KCNMA1: variants seen among roughly 807,000 people sequenced by gnomAD.
KCNMA1 encodes Calcium-activated potassium channel subunit alpha-1.
KCNMA1 carries 29 observed loss-of-function variants against 140.0 expected under a neutral mutation model. The ratio of observed to expected loss-of-function variants is 0.21; its 90% CI spans 0.15 to 0.28. KCNMA1 has a LOEUF of 0.28. Ranked by LOEUF, KCNMA1 falls within the 10% of genes least tolerant of loss-of-function variation. KCNMA1 has a pLI of 1.00. For missense variants in KCNMA1, 880 were observed against 1,602.2 expected (o/e 0.55, Z 7.70); for synonymous variants, 612 against 611.9 (o/e 1.00, Z 0.00).
chr10:77,324,940 A>ACTCTCTCTCTCTCTCT (rs3068755), intron 2 of KCNMA1, among the ~76,000 whole-genome samples: 58 of 93,474 alleles, frequency 6.2e-4, no homozygotes, highest in Middle Eastern at 0.013. Context: ...ATAGCTCTAG[A>ACTCTCTCTCTCTCTCT]CTCTCTCTCT....
chr10:77,084,174 T>C (rs900408358), intron 12 of KCNMA1, among the ~76,000 whole-genome samples: 6 of 152,164 alleles, frequency 3.9e-5, no homozygotes, highest in Admixed American at 6.5e-5. Flanking sequence ...TCGTTCGCAG[T>C]GTCCCTGGGC....
At chr10:77,529,523 G>A (rs1481884711) in intron 1 of KCNMA1, among the ~76,000 whole-genome samples, 2 of 151,926 alleles carry the variant, frequency 1.3e-5, no homozygotes, top group Non-Finnish European at 2.9e-5. Context: ...TCAGCTGTAA[G>A]CTTCTTCCAT....
At chr10:76,986,175 C>T (rs1458630889) in intron 19 of KCNMA1, among the ~76,000 whole-genome samples, 1 of 152,060 alleles carries the variant, frequency 6.6e-6, no homozygotes, top group Non-Finnish European at 1.5e-5. Context: ...TGATGGGAAG[C>T]CCATTCTAAT....
At chr10:76,935,491 A>C (rs1341981999) in intron 23 of KCNMA1, among the ~76,000 whole-genome samples, 1 of 152,228 alleles carries the variant, frequency 6.6e-6, no homozygotes, top group Non-Finnish European at 1.5e-5. Context: ...TGGGAAAGGT[A>C]CCTAATTCCC....
intron 19 of KCNMA1, chr10:76,995,521 G>C: frequency 2.1e-6 from 1 of 471,048 alleles, no homozygotes; most frequent in Non-Finnish European, 4.4e-6. Flanking sequence ...TTGGGCTCAA[G>C]GCAGAGCCTT....
intron 15 of KCNMA1, chr10:77,039,014 T>A (rs61868818): frequency 0.032 from 5,954 of 185,346 alleles, 172 homozygotes; most frequent in Non-Finnish European, 0.052. Flanking sequence ...CAGTTGTCTA[T>A]GTGGGGGCTC....
At chr10:77,172,908 C>T (rs192721270) in intron 5 of KCNMA1, among the ~76,000 whole-genome samples, 1 of 152,160 alleles carries the variant, frequency 6.6e-6, no homozygotes, top group Admixed American at 6.5e-5. Flanking sequence ...TCTTGTTTCC[C>T]TGCATGGTGG....
At chr10:77,233,658 A>C (rs1033115453) in intron 3 of KCNMA1, among the ~76,000 whole-genome samples, 1 of 152,178 alleles carries the variant, frequency 6.6e-6, no homozygotes, top group Non-Finnish European at 1.5e-5. Context: ...CTACTGGGAA[A>C]TCTAGTGCCT....
rs557850400 is a variant in KCNMA1 at position 77,190,634 on chromosome 10, T to C, written c.603-5718A>G. 3.9e-5 allele frequency among the ~76,000 whole-genome samples: 6 copies of C among 152,272 alleles called. No homozygotes were observed. The South Asian group carries it at 6.2e-4, about 16-fold the overall frequency. On this transcript the variant is annotated intron_variant, in intron 3 of 27. Transcript: ENST00000286628. ...AAACTGCCCTAGAAAATAACTGATG[T>C]GTCTGTTGGGTGGTCTAGGAAAATG... is the stretch of plus-strand genomic sequence containing the variant.
chr10:77,625,928 C>T (rs747449576), intron 1 of KCNMA1, among the ~76,000 whole-genome samples: 1 of 152,294 alleles, frequency 6.6e-6, no homozygotes, highest in South Asian at 2.1e-4. Flanking sequence ...AACTGCCATA[C>T]TGCTTTCCAC....
At chr10:77,503,753 C>A (rs921632862) in intron 1 of KCNMA1, among the ~76,000 whole-genome samples, 1 of 152,168 alleles carries the variant, frequency 6.6e-6, no homozygotes, top group African/African-American at 2.4e-5. Context: ...TAAACAATTT[C>A]TGAAGAAACT....
chr10:76,960,646 T>TTTTTTA (rs1565205821), intron 20 of KCNMA1, among the ~76,000 whole-genome samples: 2 of 139,992 alleles, frequency 1.4e-5, no homozygotes. Flanking sequence ...TTTTTTTTTT[T>TTTTTTA]ACAAATTGAA....
At chr10:77,079,276 A>G (rs1247779) in intron 13 of KCNMA1, among the ~76,000 whole-genome samples, 5,912 of 152,158 alleles carry the variant, frequency 0.039, 437 homozygotes, top group East Asian at 0.24. Context: ...ATCCCAAAAA[A>G]AAAGAAAGAA....
chr10:77,312,451 C>T (rs570213425), intron 2 of KCNMA1, among the ~76,000 whole-genome samples: 1 of 152,254 alleles, frequency 6.6e-6, no homozygotes, highest in African/African-American at 2.4e-5. Context: ...CATGGTGAAA[C>T]CCCATCTCTA....
intron 2 of KCNMA1, among the ~76,000 whole-genome samples, chr10:77,283,180 C>G (rs1267682533): frequency 6.6e-6 from 1 of 152,238 alleles, no homozygotes; most frequent in Non-Finnish European, 1.5e-5. Flanking sequence ...ACTGCACAGG[C>G]TGTGTTGCAG....
chr10:77,399,151 C>A (rs1221582089), intron 2 of KCNMA1, among the ~76,000 whole-genome samples: 1 of 152,128 alleles, frequency 6.6e-6, no homozygotes, highest in African/African-American at 2.4e-5. Context: ...TTAGCATGCT[C>A]ACTGGATGTT....
chr10:76,885,742 G>A lies in KCNMA1; in HGVS notation c.*1524C>T, dbSNP rs545753320. ...GCCAGTTTTTAAGAAATACCGCACT[G>A]CCTAAAGCATGATTTGCATGCACAA... is the stretch of plus-strand genomic sequence containing the variant. On this transcript the variant is annotated 3_prime_UTR_variant, in exon 28 of 28. Transcript: ENST00000286628. 2.8e-5 allele frequency: 28 copies of A among 985,252 alleles called. No individual in the cohort carries two copies. In the African/African-American group the frequency reaches 4.7e-4, roughly 17 times the overall value. 61.0% of individuals were successfully genotyped at this position (985,252 alleles called of 1,614,324 possible). A position where few individuals can be genotyped will look rare whatever the true frequency, so the allele number is the denominator to read the frequency against.
intron 2 of KCNMA1, among the ~76,000 whole-genome samples, chr10:77,253,875 C>A (rs1273332985): frequency 6.6e-6 from 1 of 152,162 alleles, no homozygotes; most frequent in African/African-American, 2.4e-5. Flanking sequence ...TTTATCGTGT[C>A]AGGCTTGATC....
intron 8 of KCNMA1, among the ~76,000 whole-genome samples, chr10:77,109,252 A>G (rs753315196): frequency 3.3e-4 from 50 of 152,264 alleles, no homozygotes; most frequent in Non-Finnish European, 6.2e-4. Flanking sequence ...GTACACATGC[A>G]TGTGCACATT....
Sources: allele counts gnomAD v4.1 joint callset (sites outside exome capture counted in the v4.1 genomes callset), GRCh38; gene constraint gnomAD v4.1.1; transcripts MANE v1.5; gene names NCBI Gene and HGNC (gene_info 2026-07-23, HGNC 2026-07-21).